The following KCNB2 variants were observed in gnomAD, a reference collection of about 807,000 sequenced individuals.
KCNB2 encodes delayed rectifier potassium channel protein.
KCNB2 carries 15 observed loss-of-function variants against 61.5 expected under a neutral mutation model. The observed-to-expected ratio is 0.24, with a 90% CI of 0.16 to 0.38. The LOEUF (loss-of-function observed/expected upper bound fraction) is 0.38. Among genes scored for constraint, KCNB2 ranks in the 10% least tolerant of loss-of-function variants. The probability of loss-of-function intolerance (pLI) is 1.00; values close to 1 mark genes in which losing one functional copy is unlikely to be tolerated. For synonymous variants in KCNB2, 457 were observed against 446.0 expected (o/e 1.02, Z -0.31); for missense variants, 828 against 1,125.2 (o/e 0.74, Z 3.78).
At chr8:72,600,121 C>G (rs540859874) in intron 2 of KCNB2, among the ~76,000 whole-genome samples, 1 of 152,292 alleles carries the variant, frequency 6.6e-6, no homozygotes, top group Admixed American at 6.5e-5. Context: ...ATAAATCATG[C>G]TGCTATAAAG....
chr8:72,838,643 C>G (rs7845051), intron 2 of KCNB2, among the ~76,000 whole-genome samples: 129,757 of 152,120 alleles, frequency 0.85, 56,304 homozygotes, highest in Middle Eastern at 0.97. Context: ...GGGATTGCTG[C>G]GTCAAATGGT....
chr8:72,657,128 C>T (rs1806304123), intron 2 of KCNB2, among the ~76,000 whole-genome samples: 1 of 152,108 alleles, frequency 6.6e-6, no homozygotes, highest in Admixed American at 6.6e-5. Context: ...ATATGGTAGG[C>T]ACAGTGCAAA....
chr8:72,804,003 A>G (rs753277026), intron 2 of KCNB2, among the ~76,000 whole-genome samples: 8 of 152,214 alleles, frequency 5.3e-5, no homozygotes, highest in Non-Finnish European at 8.8e-5. Context: ...TCAGCATGCC[A>G]GAATGAACGC....
At chr8:72,636,065 C>T (rs1399460330) in intron 2 of KCNB2, among the ~76,000 whole-genome samples, 1 of 151,814 alleles carries the variant, frequency 6.6e-6, no homozygotes, top group Non-Finnish European at 1.5e-5. Flanking sequence ...ATAAATGTGC[C>T]GGGAAGGTTA....
At chr8:72,822,491 A>G (rs1563395436) in intron 2 of KCNB2, among the ~76,000 whole-genome samples, 1 of 152,200 alleles carries the variant, frequency 6.6e-6, no homozygotes, top group Non-Finnish European at 1.5e-5. Context: ...TTTCATAGAA[A>G]GAAGCAAGCA....
At chr8:72,655,981 G>T (rs16938273) in intron 2 of KCNB2, among the ~76,000 whole-genome samples, 4,221 of 152,198 alleles carry the variant, frequency 0.028, 76 homozygotes, top group South Asian at 0.073. Flanking sequence ...TCCTAAGAAA[G>T]GTCAAGAAAG....
intron 2 of KCNB2, among the ~76,000 whole-genome samples, chr8:72,637,701 A>G (rs985010277): frequency 7.9e-5 from 12 of 152,090 alleles, no homozygotes; most frequent in African/African-American, 2.9e-4. Flanking sequence ...TATCCCTTCC[A>G]TGCAAATCAC....
At chr8:72,815,865 T>C (rs913131169) in intron 2 of KCNB2, among the ~76,000 whole-genome samples, 1 of 152,064 alleles carries the variant, frequency 6.6e-6, no homozygotes, top group Non-Finnish European at 1.5e-5. Flanking sequence ...ATTGAAACCT[T>C]ACTATGAAAA....
chr8:72,904,209 G>A (rs1320848368), intron 2 of KCNB2, among the ~76,000 whole-genome samples: 4 of 152,044 alleles, frequency 2.6e-5, no homozygotes. Context: ...GATAAGTATA[G>A]CATTATTCAG....
chr8:72,836,366 A>G (rs950441345), intron 2 of KCNB2, among the ~76,000 whole-genome samples: 11 of 152,350 alleles, frequency 7.2e-5, no homozygotes, highest in African/African-American at 2.4e-4. Flanking sequence ...CAAGTCTCCA[A>G]TCGACTGAAT....
intron 2 of KCNB2, among the ~76,000 whole-genome samples, chr8:72,928,517 A>G (rs1472600600): frequency 1.3e-5 from 2 of 152,090 alleles, no homozygotes; most frequent in Admixed American, 1.3e-4. Context: ...AGATCTCCAC[A>G]TATCTAAGAT....
chr8:72,907,012 A>G (rs1806189920), intron 2 of KCNB2, among the ~76,000 whole-genome samples: 1 of 152,188 alleles, frequency 6.6e-6, no homozygotes, highest in Admixed American at 6.5e-5. Flanking sequence ...ATTTATGAAG[A>G]ATTAACCAAC....
chr8:72,839,835 G>C (rs1402335105), intron 2 of KCNB2, among the ~76,000 whole-genome samples: 2 of 151,630 alleles, frequency 1.3e-5, no homozygotes, highest in African/African-American at 4.8e-5. Context: ...GGATGGTCTT[G>C]ATCTCCTGAC....
intron 2 of KCNB2, among the ~76,000 whole-genome samples, chr8:72,770,819 G>A (rs897249986): frequency 2.0e-5 from 3 of 152,230 alleles, no homozygotes; most frequent in Non-Finnish European, 4.4e-5. Context: ...GCAGTATACT[G>A]CAAATAATTA....
At chr8:72,846,932 C>T (rs947342428) in intron 2 of KCNB2, among the ~76,000 whole-genome samples, 2 of 152,212 alleles carry the variant, frequency 1.3e-5, no homozygotes, top group Non-Finnish European at 2.9e-5. Context: ...GATTATAAAT[C>T]ATGCTGCTAT....
intron 2 of KCNB2, among the ~76,000 whole-genome samples, chr8:72,716,327 C>T (rs1424315245): frequency 6.6e-6 from 1 of 152,222 alleles, no homozygotes; most frequent in East Asian, 1.9e-4. Context: ...CCAGCATCAT[C>T]CTGATACCAA....
chr8:72,811,810 G>A (rs1809310099), intron 2 of KCNB2, among the ~76,000 whole-genome samples: 2 of 152,184 alleles, frequency 1.3e-5, no homozygotes. Context: ...GTGGCCAAAT[G>A]TATATATTCA....
At chr8:72,859,161 C>T (rs942842735) in intron 2 of KCNB2, among the ~76,000 whole-genome samples, 1 of 151,944 alleles carries the variant, frequency 6.6e-6, no homozygotes, top group Non-Finnish European at 1.5e-5. Context: ...CTCTCTGGGC[C>T]CCTATGAGGA....
chr8:72,917,801 C>G (rs2128157), intron 2 of KCNB2, among the ~76,000 whole-genome samples: 97,726 of 152,042 alleles, frequency 0.64, 32,672 homozygotes, highest in African/African-American at 0.72. Context: ...GCCTGAAATT[C>G]TACTGATGAA....
Sources: gnomAD v4.1 joint callset for allele counts (sites outside exome capture counted in the v4.1 genomes callset) on GRCh38, gnomAD v4.1.1 for gene constraint, MANE v1.5 for transcripts, NCBI Gene and HGNC (gene_info 2026-07-23, HGNC 2026-07-21) for gene names.